The following LRRTM3 variants were observed in gnomAD, a reference collection of about 807,000 sequenced individuals.
LRRTM3 encodes leucine-rich repeat transmembrane neuronal protein 3.
In LRRTM3, 24 loss-of-function variants were observed where a neutral mutation model predicts 44.7. That is an observed-to-expected ratio of 0.54 (90% CI 0.39 to 0.76). The LOEUF is 0.76. Ranked by LOEUF, LRRTM3 falls within the 30% of genes least tolerant of loss-of-function variation. The probability of loss-of-function intolerance (pLI) is 0.00; values close to 1 mark genes in which losing one functional copy is unlikely to be tolerated. For synonymous variants in LRRTM3, 277 were observed against 278.7 expected, an observed-to-expected ratio of 0.99 and a Z score of 0.06; for missense variants, 587 against 702.2, an observed-to-expected ratio of 0.84 and a Z score of 1.85.
intron 2 of LRRTM3, among the ~76,000 whole-genome samples, chr10:66,935,432 GGATTTTGCCT>G (rs1286434057): frequency 6.6e-6 from 1 of 151,898 alleles, no homozygotes; most frequent in Admixed American, 6.6e-5. Flanking sequence ...TTTATGAAAG[GGATTTTGCCT>G]AATGTATTCA....
chr10:67,081,719 G>C (rs1857067412), intron 2 of LRRTM3, among the ~76,000 whole-genome samples: 1 of 152,136 alleles, frequency 6.6e-6, no homozygotes, highest in South Asian at 2.1e-4. Flanking sequence ...GCTGTCTCAT[G>C]CCTCTGCACT....
intron 2 of LRRTM3, among the ~76,000 whole-genome samples, chr10:67,046,755 T>C (rs950904438): frequency 1.3e-5 from 2 of 152,166 alleles, no homozygotes; most frequent in Non-Finnish European, 2.9e-5. Flanking sequence ...AATCTAGTTC[T>C]GAATAAATAA....
chr10:66,978,541 A>ATAAAATAAAAATAAAAAAAAT (rs1437563245), intron 2 of LRRTM3, among the ~76,000 whole-genome samples: 11,589 of 109,516 alleles, frequency 0.11, 1,183 homozygotes, highest in Non-Finnish European at 0.16. Flanking sequence ...AAAAAAAAAA[A>ATAAAATAAAAATAAAAAAAAT]AAAAAAAAAA....
intron 2 of LRRTM3, among the ~76,000 whole-genome samples, chr10:66,944,595 G>C (rs892517272): frequency 6.6e-6 from 1 of 151,966 alleles, no homozygotes; most frequent in Admixed American, 6.6e-5. Flanking sequence ...AATTTACTTT[G>C]CCCAGATCCA....
chr10:67,020,824 T>C (rs1852961171), intron 2 of LRRTM3, among the ~76,000 whole-genome samples: 1 of 152,020 alleles, frequency 6.6e-6, no homozygotes, highest in Non-Finnish European at 1.5e-5. Flanking sequence ...ATTAGTAGGG[T>C]TGGAACAGAG....
intron 2 of LRRTM3, among the ~76,000 whole-genome samples, chr10:66,954,583 C>T (rs1246609564): frequency 1.3e-5 from 2 of 152,096 alleles, no homozygotes; most frequent in Non-Finnish European, 2.9e-5. Flanking sequence ...ATAAACTTAG[C>T]TTCAGTTAAA....
At chr10:66,970,978 TCTTTC>T (rs1849690465) in intron 2 of LRRTM3, among the ~76,000 whole-genome samples, 1 of 152,212 alleles carries the variant, frequency 6.6e-6, no homozygotes, top group South Asian at 2.1e-4. Context: ...TCAGTTGTTT[TCTTTC>T]CTTTCTTCTT....
intron 2 of LRRTM3, among the ~76,000 whole-genome samples, chr10:67,032,514 T>G (rs1016457561): frequency 6.6e-6 from 1 of 152,180 alleles, no homozygotes; most frequent in African/African-American, 2.4e-5. Flanking sequence ...AATGAGAAGA[T>G]ATCACAAATC....
At chr10:67,057,228 G>A (rs1161069086) in intron 2 of LRRTM3, among the ~76,000 whole-genome samples, 1 of 152,124 alleles carries the variant, frequency 6.6e-6, no homozygotes, top group African/African-American at 2.4e-5. Context: ...ATTGTGAAAT[G>A]ATTGCCACAA....
rs146299478 is a variant in LRRTM3, at chr10:67,063,187, T to C, written c.1537-34400T>C. On this transcript the variant is annotated intron_variant, in intron 2 of 2. Coordinates refer to ENST00000361320, the MANE Select transcript of LRRTM3 (RefSeq NM_178011.5). ...TTACAAGAAAAACAGTTACCAAGTA[T>C]GGATGCTCAAGACAGCCTTAAAGCA... is the stretch of plus-strand genomic sequence containing the variant. Among the ~76,000 whole-genome samples the C allele has an allele frequency of 2.4e-3, 364 of 152,302 alleles. 1 individual carries two copies. Among genetic ancestry groups the C allele is most frequent in the Non-Finnish European group, 3.4e-3 (231 of 68,014 alleles).
intron 2 of LRRTM3, among the ~76,000 whole-genome samples, chr10:66,999,063 CAG>C (rs1472271397): frequency 1.3e-5 from 2 of 152,008 alleles, no homozygotes; most frequent in Non-Finnish European, 2.9e-5. Context: ...AAACGGAAGA[CAG>C]GGCAAAAGTT....
chr10:67,097,601 G>C lies in LRRTM3; in HGVS notation c.1551G>C (p.Met517Ile). The change falls in exon 3 of 3, where the codon ATG (methionine) becomes ATC (isoleucine). Residue 517 changes from methionine to isoleucine, a missense_variant. Physicochemically the swap from Met to Ile is conservative, Grantham distance 10 (BLOSUM62 1). This residue lies in a region of LRRTM3 where 315 missense variants were observed against 335.6 expected (regional missense o/e 0.94). Transcript: ENST00000361320. ...GSRECEIPLSMNVSTFLAYDQ... is the reference protein window; with the variant it reads ...GSRECEIPLSINVSTFLAYDQ... ...TTTTTCCCCAGATACCTTTATCAAT[G>C]AATGTGTCAACCTTTCTGGCATACG... 6.2e-7 allele frequency: 1 copy of C among 1,612,110 alleles called. No homozygotes were observed. The highest frequency in any genetic ancestry group is 8.5e-7 in the Non-Finnish European group (1 of 1,178,730).
chr10:66,970,972 T>C (rs1443454776), intron 2 of LRRTM3, among the ~76,000 whole-genome samples: 1 of 152,190 alleles, frequency 6.6e-6, no homozygotes, highest in African/African-American at 2.4e-5. Flanking sequence ...AGGATTTCAG[T>C]TGTTTTCTTT....
Position 67,097,906 on chromosome 10 carries a change from C to G in LRRTM3, c.*110C>G. 1.1e-6 allele frequency: 1 copy of G among 922,340 alleles called. No individual in the cohort carries two copies. Among genetic ancestry groups the G allele is most frequent in the Non-Finnish European group, 1.7e-6 (1 of 604,272 alleles). 57.1% of individuals were successfully genotyped at this position (922,340 alleles called of 1,614,324 possible). A position where few individuals can be genotyped will look rare whatever the true frequency, so the allele number is the denominator to read the frequency against. On this transcript the variant is annotated 3_prime_UTR_variant, in exon 3 of 3. Transcript: ENST00000361320. ...AAAAACAAAACAAAACACAAAATCC[C>G]CTGTTCAAATAAACAAAAAATCCAA...
intron 2 of LRRTM3, among the ~76,000 whole-genome samples, chr10:67,067,781 T>G (rs772729887): frequency 1.3e-5 from 2 of 152,232 alleles, no homozygotes; most frequent in African/African-American, 2.4e-5. Flanking sequence ...ATTCATTCAA[T>G]CTGGGCACAC....
At chr10:66,999,960 G>A (rs1349906039) in intron 2 of LRRTM3, among the ~76,000 whole-genome samples, 2 of 152,148 alleles carry the variant, frequency 1.3e-5, no homozygotes, top group African/African-American at 4.8e-5. Context: ...CCCAGTCACT[G>A]CTCTGTCAGC....
At chr10:67,015,121 C>T (rs1271664353) in intron 2 of LRRTM3, among the ~76,000 whole-genome samples, 1 of 152,078 alleles carries the variant, frequency 6.6e-6, no homozygotes, top group Admixed American at 6.6e-5. Context: ...GCTATTAACC[C>T]CATGCTATGT....
At chr10:66,936,205 G>A (rs1369381570) in intron 2 of LRRTM3, among the ~76,000 whole-genome samples, 1 of 152,174 alleles carries the variant, frequency 6.6e-6, no homozygotes, top group Non-Finnish European at 1.5e-5. Flanking sequence ...GATGTGTGGA[G>A]TCTTTATTAG....
chr10:66,988,500 G>A (rs1188306120), intron 2 of LRRTM3, among the ~76,000 whole-genome samples: 1 of 152,046 alleles, frequency 6.6e-6, no homozygotes, highest in Non-Finnish European at 1.5e-5. Flanking sequence ...CAACTTCTGT[G>A]TATTGTGTGT....
Sources: gnomAD v4.1 joint callset for allele counts (sites outside exome capture counted in the v4.1 genomes callset) on GRCh38, gnomAD v4.1.1 for gene constraint, gnomAD v4.1.1 regional missense constraint, MANE v1.5 for transcripts, NCBI Gene and HGNC (gene_info 2026-07-23, HGNC 2026-07-21) for gene names.